The following TTLL3 variants were observed in gnomAD, a reference collection of about 807,000 sequenced individuals.
The protein encoded by TTLL3 is tubulin monoglycylase TTLL3.
Under a neutral mutation model 75.2 loss-of-function variants are expected in TTLL3, and 63 were observed. The ratio of observed to expected loss-of-function variants is 0.84; its 90% CI spans 0.68 to 1.03. The LOEUF is 1.03. Among genes scored for constraint, TTLL3 ranks in the 50% least tolerant of loss-of-function variants. TTLL3 has a pLI of 0.00. For missense variants in TTLL3, 997 were observed against 1,069.9 expected, an observed-to-expected ratio of 0.93 and a Z score of 0.95; for synonymous variants, 393 against 418.5, an observed-to-expected ratio of 0.94 and a Z score of 0.74.
chr3:9,835,070 C>T lies in TTLL3; in HGVS notation c.2053-24C>T, dbSNP rs2081956827. On this transcript the variant is annotated intron_variant, in intron 13 of 13. Coordinates refer to ENST00000685419, the MANE Select transcript of TTLL3 (RefSeq NM_001387446.1). ...TCCACAGACTTCTGATCATCTCCCT[C>T]TTCTCCCCTCCTTTCACACCGAGGC... 1.9e-6 allele frequency: 3 copies of T among 1,593,098 alleles called. No individual in the cohort carries two copies. The African/African-American group carries it at 4.0e-5, about 21-fold the overall frequency.
At chr3:9,818,728 G>C in intron 6 of TTLL3, 94 bp from the exon 7 acceptor site, 2 of 1,599,176 alleles carry the variant, frequency 1.3e-6, no homozygotes, top group Non-Finnish European at 1.7e-6. Context: ...GTCAGGTTCT[G>C]GATCCAAAAT....
At position 9,825,730 on chromosome 3, in the gene TTLL3, A is replaced by G. The variant is rs745969785; in HGVS notation, c.855-70A>G. On this transcript the variant is annotated intron_variant, in intron 8 of 13. Transcript: ENST00000685419. ...ATGACGGCGGGGGATGGTGGAATAT[A>G]TCTCCCCCTGCCCTCTCCACCTGCA... 1.5e-5 allele frequency: 24 copies of G among 1,612,764 alleles called. No individual in the cohort carries two copies. In the Admixed American group the frequency reaches 1.7e-4, roughly 11 times the overall value.
chr3:9,813,075 A>G lies in TTLL3; in HGVS notation c.181A>G (p.Ser61Gly). 6.3e-7 allele frequency: 1 copy of G among 1,582,582 alleles called. No individual in the cohort carries two copies. ...GCTGCCACCCCAGAAGGATCTGGAT[A>G]GCTCAGCGATGGGTGACAGTGACAC... ...TLLPPQKDLDSSAMGDSDTTE... is the reference protein window; with the variant it reads ...TLLPPQKDLDGSAMGDSDTTE... The change falls in exon 3 of 14, where the codon AGC becomes GGC. Residue 61 changes from serine (S) to glycine (G), a missense_variant. Coordinates refer to ENST00000685419, the MANE Select transcript of TTLL3 (RefSeq NM_001387446.1).
At chr3:9,825,082 T>C (rs2080894636) in intron 8 of TTLL3, among the ~76,000 whole-genome samples, 2 of 152,148 alleles carry the variant, frequency 1.3e-5, no homozygotes, top group Admixed American at 6.5e-5. Context: ...CTGGGTGTGG[T>C]AGCTCATGCC....
At chr3:9,834,659 A>G in intron 12 of TTLL3, 22 bp from the exon 13 acceptor site, 1 of 1,613,478 alleles carries the variant, frequency 6.2e-7, no homozygotes, top group Non-Finnish European at 8.5e-7. Context: ...CCAGGGCCTC[A>G]CAGCTTCTCT....
At chr3:9,817,134 GAA>G (rs1335467680) in intron 5 of TTLL3, among the ~76,000 whole-genome samples, 1 of 152,056 alleles carries the variant, frequency 6.6e-6, no homozygotes, top group African/African-American at 2.4e-5. Flanking sequence ...TTAAGAATGA[GAA>G]AGGGTGGGCC....
chr3:9,831,769 G>A (rs1449506018), intron 11 of TTLL3, among the ~76,000 whole-genome samples: 1 of 151,766 alleles, frequency 6.6e-6, no homozygotes, highest in Non-Finnish European at 1.5e-5. Flanking sequence ...GGCTACTTGG[G>A]AGTGCTGATA....
chr3:9,827,506 A>C, intron 10 of TTLL3: 1 of 467,616 alleles, frequency 2.1e-6, no homozygotes, highest in South Asian at 2.7e-5. Context: ...GTGCTCAAGC[A>C]ATCCTTCCTC....
chr3:9,833,490 C>T (rs1263654316), intron 12 of TTLL3, among the ~76,000 whole-genome samples: 1 of 152,212 alleles, frequency 6.6e-6, no homozygotes, highest in East Asian at 1.9e-4. Context: ...GGCAACCCCA[C>T]CACTTGAACA....
Position 9,813,252 on chromosome 3 carries a change from T to C in TTLL3, c.222T>C (p.Asp74=). 2 of 1,614,204 alleles carry C rather than the reference T, an allele frequency of 1.2e-6. No homozygotes were observed. Among genetic ancestry groups the C allele is most frequent in the Middle Eastern group, 1.6e-4 (1 of 6,062 alleles). The change falls in exon 4 of 14, where the codon GAT becomes GAC. Residue 74 remains aspartate (D), a synonymous_variant. Coordinates refer to ENST00000685419, the MANE Select transcript of TTLL3 (RefSeq NM_001387446.1). ...MGDSDTTEDE[D]EDEDEEFQPS... ...CTCTGGGCTCTGCATCCACAGAGGA[T>C]GAAGATGAGGACGAGGAGTTCCAGC...
intron 4 of TTLL3, among the ~76,000 whole-genome samples, chr3:9,815,407 T>C (rs1418603218): frequency 6.6e-6 from 1 of 152,216 alleles, no homozygotes; most frequent in Non-Finnish European, 1.5e-5. Context: ...AGAATTATGG[T>C]GAATGAATTG....
intron 7 of TTLL3, chr3:9,819,868 G>A (rs2080250209): frequency 2.0e-6 from 2 of 985,610 alleles, no homozygotes; most frequent in Non-Finnish European, 2.4e-6. Context: ...CCTCGGGTGT[G>A]GCCAGAGACC....
chr3:9,834,404 G>A lies in TTLL3; in HGVS notation c.1826-277G>A, dbSNP rs116175378. On this transcript the variant is annotated intron_variant, in intron 12 of 13. Transcript: ENST00000685419. ...TGTTTACACCAACCTAGCAAGGTAG[G>A]TGCTATTATCCCCATTTTCCAGCCG... The A allele has an allele frequency of 2.5e-3, 1,616 of 639,580 alleles. 17 individuals carry two copies. In the African/African-American group the frequency reaches 0.026, roughly 10 times the overall value. 39.6% of individuals were successfully genotyped at this position (639,580 alleles called of 1,614,324 possible).
In TTLL3 at chr3:9,816,917, A is replaced by G. The variant is rs199869816; in HGVS notation, c.444+715A>G. ...TGGCAAGGATGAAGGGCTTTATAAT[A>G]ATGACCTGCCATTATATTATTGGTG... On this transcript the variant is annotated intron_variant, in intron 5 of 13. Transcript: ENST00000685419. Among the ~76,000 whole-genome samples, 31 of 152,208 alleles carry G rather than the reference A, an allele frequency of 2.0e-4. No homozygotes were observed. In the East Asian group the frequency reaches 4.8e-3, roughly 24 times the overall value.
In TTLL3 at chr3:9,833,176, G is replaced by A; in HGVS notation, c.1756G>A (p.Ala586Thr). The A allele has an allele frequency of 6.2e-7, 1 of 1,614,160 alleles. No homozygotes were observed. The highest frequency in any genetic ancestry group is 1.1e-5 in the South Asian group (1 of 91,082). Reference sequence around the variant, plus strand: ...GGGCTTCACCATCAAGAAGCCCATGGCGATGTGTCATCGGCGGATGGGGGT... The same window carrying A: ...GGGCTTCACCATCAAGAAGCCCATGACGATGTGTCATCGGCGGATGGGGGT... ...VEGFTIKKPM[A>T]MCHRRMGVRP... The change falls in exon 12 of 14, where the codon GCG (alanine) becomes ACG (threonine). Residue 586 changes from alanine to threonine, a missense_variant. Transcript: ENST00000685419.
intron 12 of TTLL3, among the ~76,000 whole-genome samples, chr3:9,833,517 G>A (rs924568722): frequency 2.0e-5 from 3 of 152,164 alleles, no homozygotes; most frequent in African/African-American, 7.2e-5. Context: ...CACTGAGTCC[G>A]AAGAACCCCC....
intron 5 of TTLL3, among the ~76,000 whole-genome samples, chr3:9,816,523 C>CTTTTTTTTTTTTTTTTTTTTTTTTTTTT (rs71052206): frequency 9.6e-6 from 1 of 103,992 alleles, no homozygotes; most frequent in Non-Finnish European, 1.8e-5. Context: ...ACCTGGGTTT[C>CTTTTTTTTTTTTTTTTTTTTTTTTTTTT]TTTTTTTTTT....
chr3:9,821,347 C>T (rs2080393067), intron 8 of TTLL3, among the ~76,000 whole-genome samples: 1 of 152,154 alleles, frequency 6.6e-6, no homozygotes, highest in Non-Finnish European at 1.5e-5. Flanking sequence ...GAGAACAGCC[C>T]TGAAGGCAGA....
chr3:9,810,179 G>T (rs1250170944), upstream of TTLL3: 16 of 1,469,572 alleles, frequency 1.1e-5, no homozygotes, highest in Non-Finnish European at 1.3e-5. This position sits in a 1 kb window ranked among gnomAD's most constrained non-coding sequence, Gnocchi z 4.4. Flanking sequence ...TCCGAGTTCC[G>T]TCCACCCAGG....
Sources: gnomAD v4.1 joint callset for allele counts (sites outside exome capture counted in the v4.1 genomes callset) on GRCh38, gnomAD v4.1.1 for gene constraint, Gnocchi (gnomAD v3.1) non-coding constraint, MANE v1.5 for transcripts, NCBI Gene and HGNC (gene_info 2026-07-23, HGNC 2026-07-21) for gene names.